URB1: variants seen among roughly 807,000 people sequenced by gnomAD.
URB1 encodes URB1 ribosome biogenesis factor.
A neutral mutation model predicts 242.3 loss-of-function variants in URB1; 197 were observed. That is an observed-to-expected ratio of 0.81 (90% confidence interval 0.72 to 0.91). The LOEUF is 0.91. Ranked by LOEUF, URB1 falls within the 40% of genes least tolerant of loss-of-function variation. The pLI is 0.00. For synonymous variants in URB1, 1,153 were observed against 1,201.8 expected (o/e 0.96, Z 0.84); for missense variants, 2,721 against 2,860.5 (o/e 0.95, Z 1.11).
chr21:32,386,240 G>T (rs2033582924), intron 1 of URB1, among the ~76,000 whole-genome samples: 1 of 152,132 alleles, frequency 6.6e-6, no homozygotes, highest in African/African-American at 2.4e-5. Flanking sequence ...CTCAGGTTAA[G>T]TGAGTTCATG....
In URB1 at chr21:32,366,718, T is replaced by G; in HGVS notation, c.1235A>C (p.Gln412Pro). 5 of 1,551,496 alleles carry G rather than the reference T, an allele frequency of 3.2e-6. No homozygotes were observed. The highest frequency in any genetic ancestry group is 4.4e-6 in the Non-Finnish European group (5 of 1,146,872). The part of the protein sequence containing the change: ...EAQPEISRAF[Q>P]TREFIPLPRL... ...AGGCAAGGGTATAAACTCTCTGGTCTGAAATGCCCGGGAAATCTCCGGCTG... is the reference window on the plus strand; with the variant it reads ...AGGCAAGGGTATAAACTCTCTGGTCGGAAATGCCCGGGAAATCTCCGGCTG... Residue 412 changes from glutamine (Q) to proline (P), a missense_variant, in exon 10 of 39, where the codon CAG becomes CCG. Physicochemically the swap from Gln to Pro is moderately conservative, Grantham distance 76. Transcript: ENST00000382751.
chr21:32,322,753 C>T (rs1032563590), intron 32 of URB1, among the ~76,000 whole-genome samples, 169 bp from the exon 33 acceptor site: 3 of 152,226 alleles, frequency 2.0e-5, no homozygotes, highest in Admixed American at 6.5e-5. Context: ...GAATTCAACA[C>T]GTCAGCTCCA....
At chr21:32,337,289 G>C in intron 27 of URB1, 115 bp downstream of exon 27, 1 of 1,331,762 alleles carries the variant, frequency 7.5e-7, no homozygotes, top group Non-Finnish European at 1.0e-6. Flanking sequence ...TGCACCGCCT[G>C]GTCTCACTGT....
Position 32,319,248 on chromosome 21 carries a change from A to T in URB1, c.5761T>A (p.Tyr1921Asn). 6.4e-7 allele frequency: 1 copy of T among 1,551,104 alleles called. No individual in the cohort carries two copies. The highest frequency in any genetic ancestry group is 8.7e-7 in the Non-Finnish European group (1 of 1,146,766). Residue 1921 changes from tyrosine (Y) to asparagine (N), a missense_variant, in exon 36 of 39, where the codon TAT (tyrosine) becomes AAT (asparagine). Physicochemically the swap from Tyr to Asn is moderately radical, Grantham distance 143. Coordinates refer to ENST00000382751, the MANE Select transcript of URB1 (RefSeq NM_014825.3). ...LALHLVNEFLYVLIVLMKHLR... is the reference protein window; with the variant it reads ...LALHLVNEFLNVLIVLMKHLR... ...TGCTTCATGAGCACGATGAGAACAT[A>T]AAGGAACTCATTGACCAGGTGCAGG...
Position 32,317,046 on chromosome 21 carries a change from G to A in URB1, c.6054C>T (p.Asn2018=), listed in dbSNP as rs1416700919. 2.6e-6 allele frequency: 4 copies of A among 1,541,178 alleles called. No individual in the cohort carries two copies. The highest frequency in any genetic ancestry group is 3.5e-6 in the Non-Finnish European group (4 of 1,143,482). The change falls in exon 38 of 39, where the codon AAC becomes AAT. Residue 2018 remains asparagine, a synonymous_variant. Transcript: ENST00000382751. The part of the protein sequence containing the change: ...RELMKMLKDK[N]KPVMPARAKG... ...TGGCTCGGGCTGGCATGACAGGCTT[G>A]TTCTTATCCTTGAGCATTTCTGTTA...
intron 21 of URB1, among the ~76,000 whole-genome samples, chr21:32,348,123 G>T (rs2033115196): frequency 6.6e-6 from 1 of 152,172 alleles, no homozygotes; most frequent in Non-Finnish European, 1.5e-5. Flanking sequence ...GAAGAACCCA[G>T]CCTGGGTGAA....
chr21:32,387,481 T>C (rs1159941577), intron 1 of URB1, among the ~76,000 whole-genome samples: 1 of 151,366 alleles, frequency 6.6e-6, no homozygotes, highest in Non-Finnish European at 1.5e-5. Flanking sequence ...GCCATACTTC[T>C]CAAAACTAGG....
rs2236611 is a variant in URB1 at position 32,312,969 on chromosome 21, C to T, written c.*1949G>A. 0.55 allele frequency: 82,929 copies of T among 152,090 alleles called. 27,605 individuals are homozygous for T. The highest frequency in any genetic ancestry group is 0.75 in the Non-Finnish European group (50,899 of 67,996). The allele number at this position is 152,090 out of a possible 1,614,324, so 9.4% of individuals were successfully genotyped here. A position where few individuals can be genotyped will look rare whatever the true frequency, so the allele number is the denominator to read the frequency against. ...CCACACTAAGTGACTGGAAAATACA[C>T]GAACAAGGTCAGGGCAGTGGATTTA... On this transcript the variant is annotated 3_prime_UTR_variant, in exon 39 of 39. Transcript: ENST00000382751.
intron 26 of URB1, 133 bp from the exon 27 acceptor site, chr21:32,337,647 G>C: frequency 1.6e-6 from 1 of 626,436 alleles, no homozygotes; most frequent in Non-Finnish European, 2.8e-6. Context: ...TGTTTGGACT[G>C]CCATCTAATC....
chr21:32,341,529 G>C lies in URB1; in HGVS notation c.4258-5C>G. ...ATCAACTTCATTAAGTGCATGCTAT[G>C]AATAAAATAAGTAAGAAAAACACAT... On this transcript the variant is annotated splice_region_variant and splice_polypyrimidine_tract_variant and intron_variant, in intron 24 of 38. Transcript: ENST00000382751. 1 of 1,550,970 alleles carries C rather than the reference G, an allele frequency of 6.4e-7. No homozygotes were observed. The highest frequency in any genetic ancestry group is 8.7e-7 in the Non-Finnish European group (1 of 1,146,718).
Position 32,383,488 on chromosome 21 carries a change from G to A in URB1, c.501C>T (p.Asp167=), listed in dbSNP as rs1056645281. The change falls in exon 4 of 39, where the codon GAC becomes GAT. Residue 167 remains aspartate (D), a synonymous_variant. Coordinates refer to ENST00000382751, the MANE Select transcript of URB1 (RefSeq NM_014825.3). The part of the protein sequence containing the change: ...MVTQGPEAAR[D]VCSHFDLNKK... Reference sequence around the variant, plus strand: ...TATTCAAATCAAAATGGCTGCAGACGTCCCTGGCAGCTTCCGGACCCTGGG... The same window carrying A: ...TATTCAAATCAAAATGGCTGCAGACATCCCTGGCAGCTTCCGGACCCTGGG... The A allele has an allele frequency of 1.2e-5, 19 of 1,551,420 alleles. No individual in the cohort carries two copies. The highest frequency in any genetic ancestry group is 3.6e-5 in the South Asian group (3 of 84,048).
chr21:32,325,111 G>A (rs764967461), intron 31 of URB1, 118 bp downstream of exon 31: 265 of 1,294,016 alleles, frequency 2.0e-4, no homozygotes, highest in Non-Finnish European at 2.3e-4. Flanking sequence ...GAGATCTCCC[G>A]GCAACATGCC....
rs1166416921 is a variant in URB1, at chr21:32,354,882, C to T, written c.2222G>A (p.Ser741Asn). Residue 741 changes from serine to asparagine, a missense_variant, in exon 17 of 39, where the codon AGC (serine) becomes AAC (asparagine). Coordinates refer to ENST00000382751, the MANE Select transcript of URB1 (RefSeq NM_014825.3). ...ACCGTCAATGTGGGAGATGGGAATG[C>T]TCATGTCATCGGCTTCTTGCTTCGT... ...TMTKQEADDM[S>N]IPISHIDDVL... The T allele has an allele frequency of 6.4e-7, 1 of 1,552,250 alleles. No individual in the cohort carries two copies. The highest frequency in any genetic ancestry group is 8.7e-7 in the Non-Finnish European group (1 of 1,147,138).
rs187927924 is a variant in URB1 at position 32,337,747 on chromosome 21, G to C, written c.4511-233C>G. ...GAGGTCGTGCTATGTTGCCCAGGCT[G>C]AACTCCTTAGCTCAAGCAATCCTCC... On this transcript the variant is annotated intron_variant, in intron 26 of 38. Coordinates refer to ENST00000382751, the MANE Select transcript of URB1 (RefSeq NM_014825.3). Among the ~76,000 whole-genome samples, 283 of 150,224 alleles carry C rather than the reference G, an allele frequency of 1.9e-3. 3 individuals carry two copies. Among genetic ancestry groups the C allele is most frequent in the African/African-American group, 6.6e-3 (267 of 40,728 alleles).
intron 12 of URB1, among the ~76,000 whole-genome samples, chr21:32,361,628 CAT>C (rs1230466336): frequency 6.6e-6 from 1 of 152,222 alleles, no homozygotes; most frequent in Non-Finnish European, 1.5e-5. Flanking sequence ...GGCCAGAGCA[CAT>C]GGCACCCAAC....
intron 26 of URB1, among the ~76,000 whole-genome samples, chr21:32,337,735 G>A (rs888868111): frequency 1.4e-5 from 2 of 148,032 alleles, no homozygotes; most frequent in Non-Finnish European, 3.0e-5. Context: ...GTCGTGCTAT[G>A]TTGCCCAGGC....
At chr21:32,366,008 T>C (rs2033342355) in intron 10 of URB1, among the ~76,000 whole-genome samples, 1 of 152,196 alleles carries the variant, frequency 6.6e-6, no homozygotes, top group African/African-American at 2.4e-5. Flanking sequence ...CCTAGGCCCA[T>C]GATGCTGCGG....
chr21:32,319,511 G>C, intron 35 of URB1, 97 bp from the exon 36 acceptor site: 2 of 1,221,244 alleles, frequency 1.6e-6, no homozygotes, highest in Non-Finnish European at 2.2e-6. Flanking sequence ...CATCCCCCTA[G>C]ATAAGCATAG....
At chr21:32,353,528 G>A (rs1231558020) in intron 18 of URB1, among the ~76,000 whole-genome samples, 1 of 152,194 alleles carries the variant, frequency 6.6e-6, no homozygotes, top group Non-Finnish European at 1.5e-5. Flanking sequence ...CAAAGCCTGA[G>A]TTCTCCCAAC....
Sources: allele counts gnomAD v4.1 joint callset (sites outside exome capture counted in the v4.1 genomes callset), GRCh38; gene constraint gnomAD v4.1.1; transcripts MANE v1.5; gene names NCBI Gene and HGNC (gene_info 2026-07-23, HGNC 2026-07-21).